The following FKTN variants were observed in gnomAD, a reference collection of about 807,000 sequenced individuals.
The protein encoded by FKTN is fukutin, also known as ribitol-5-phosphate transferase FKTN.
A neutral mutation model predicts 58.6 loss-of-function variants in FKTN; 47 were observed. The observed-to-expected ratio is 0.80, with a 90% CI of 0.63 to 1.02. The LOEUF (loss-of-function observed/expected upper bound fraction) is 1.02, where lower values mean the gene tolerates loss of function less well. Ranked by LOEUF, FKTN falls within the 50% of genes least tolerant of loss-of-function variation. The probability of loss-of-function intolerance (pLI) is 0.00; values close to 1 mark genes in which losing one functional copy is unlikely to be tolerated. For missense variants in FKTN, 516 were observed against 537.3 expected (o/e 0.96, Z 0.39); for synonymous variants, 178 against 191.9 (o/e 0.93, Z 0.60).
At chr9:105,568,033 A>C (rs1247040181) in intron 1 of FKTN, among the ~76,000 whole-genome samples, 6 of 152,194 alleles carry the variant, frequency 3.9e-5, no homozygotes, top group East Asian at 3.8e-4. Context: ...TAAAAACAAG[A>C]AATGGGGAAA....
chr9:105,592,789 C>T (rs1322405892), intron 3 of FKTN, among the ~76,000 whole-genome samples: 1 of 152,198 alleles, frequency 6.6e-6, no homozygotes, highest in African/African-American at 2.4e-5. Context: ...CCTCCCAATA[C>T]ATTCCTGATT....
At chr9:105,602,009 T>G (rs1380437451) in intron 5 of FKTN, among the ~76,000 whole-genome samples, 1 of 152,216 alleles carries the variant, frequency 6.6e-6, no homozygotes, top group African/African-American at 2.4e-5. Flanking sequence ...GTAATTCAGA[T>G]GCTTGTATTT....
intron 3 of FKTN, among the ~76,000 whole-genome samples, chr9:105,594,133 G>T (rs1826299628): frequency 6.6e-6 from 1 of 152,140 alleles, no homozygotes; most frequent in Non-Finnish European, 1.5e-5. Flanking sequence ...AGTCAAGGGG[G>T]GATGGGATTT....
chr9:105,603,935 T>G (rs1828372589), intron 5 of FKTN: 2 of 411,836 alleles, frequency 4.9e-6, no homozygotes, highest in Non-Finnish European at 9.1e-6. Context: ...CCCAAAGCGC[T>G]GGGATTACAG....
intron 5 of FKTN, 94 bp downstream of exon 5, chr9:105,601,442 T>C: frequency 5.8e-6 from 5 of 857,642 alleles, no homozygotes; most frequent in Non-Finnish European, 7.6e-6. Context: ...TAAAAATTTT[T>C]CCTGAAACAC....
At chr9:105,614,610 C>A (rs1830482635) in intron 7 of FKTN, among the ~76,000 whole-genome samples, 1 of 152,054 alleles carries the variant, frequency 6.6e-6, no homozygotes, top group Admixed American at 6.5e-5. Flanking sequence ...TTATTAAATT[C>A]TTTTTGTTTC....
At position 105,563,645 on chromosome 9, in the gene FKTN, A is replaced by C. The variant is rs1394084988; in HGVS notation, c.-181+5480A>C. Among the ~76,000 whole-genome samples the C allele has an allele frequency of 2.0e-5, 3 of 151,640 alleles. No individual in the cohort carries two copies. The East Asian group carries it at 5.8e-4, about 29-fold the overall frequency. The stretch of plus-strand genomic sequence containing the variant: ...TGCTGAGGCTTGAGTAGATAAACAG[A>C]GGGGCCGGGAAGCTCGAACTGGGTG... On this transcript the variant is annotated intron_variant, in intron 1 of 10. Coordinates refer to ENST00000357998, the MANE Select transcript of FKTN (RefSeq NM_001079802.2).
intron 10 of FKTN, among the ~76,000 whole-genome samples, chr9:105,630,043 G>C (rs1013245796): frequency 2.0e-5 from 3 of 152,092 alleles, no homozygotes; most frequent in Non-Finnish European, 4.4e-5. Flanking sequence ...ACACACTGGG[G>C]CCTGTCGTGG....
chr9:105,577,072 TTTGTCAGATGAGTAGG>T (rs2132065705), intron 3 of FKTN, among the ~76,000 whole-genome samples: 1 of 132,652 alleles, frequency 7.5e-6, no homozygotes, highest in Non-Finnish European at 1.6e-5. Context: ...ATATTAGCCC[TTTGTCAGATGAGTAGG>T]TTGCAAAAAT....
At chr9:105,623,770 A>G (rs1212521394) in intron 10 of FKTN, among the ~76,000 whole-genome samples, 1 of 152,174 alleles carries the variant, frequency 6.6e-6, no homozygotes. Context: ...ACCATGAGAC[A>G]TGTTAAAGTA....
At chr9:105,565,416 A>G (rs529330307) in intron 1 of FKTN, among the ~76,000 whole-genome samples, 13 of 152,266 alleles carry the variant, frequency 8.5e-5, no homozygotes, top group Admixed American at 2.6e-4. Flanking sequence ...CTCACATGCA[A>G]AGACACACAT....
At chr9:105,570,778 G>A (rs1251588612) in intron 1 of FKTN, among the ~76,000 whole-genome samples, 1 of 152,092 alleles carries the variant, frequency 6.6e-6, no homozygotes, top group African/African-American at 2.4e-5. Flanking sequence ...GGAGGTGGAG[G>A]GAGCACTTCT....
At chr9:105,618,152 T>C (rs1336074417) in intron 9 of FKTN, 60 bp downstream of exon 9, 2 of 1,355,674 alleles carry the variant, frequency 1.5e-6, no homozygotes, top group Non-Finnish European at 2.1e-6. Context: ...AAAGTTTACA[T>C]TAAGCAACTC....
intron 6 of FKTN, among the ~76,000 whole-genome samples, chr9:105,605,491 G>C (rs1212766072): frequency 6.6e-6 from 1 of 152,060 alleles, no homozygotes; most frequent in Non-Finnish European, 1.5e-5. Context: ...TATAACCACT[G>C]TTGATAACTA....
intron 5 of FKTN, among the ~76,000 whole-genome samples, chr9:105,603,338 G>T (rs1828239491): frequency 6.6e-6 from 1 of 152,112 alleles, no homozygotes; most frequent in African/African-American, 2.4e-5. Flanking sequence ...GAAAGAAAAG[G>T]GAAGAAGGGA....
chr9:105,609,018 A>T (rs1393422448), intron 7 of FKTN, among the ~76,000 whole-genome samples: 2 of 152,226 alleles, frequency 1.3e-5, no homozygotes, highest in African/African-American at 4.8e-5. Context: ...AGCAATTATC[A>T]CAGTGAATTA....
In FKTN at chr9:105,596,501, A is replaced by G. The variant is rs1588052461; in HGVS notation, c.106-97A>G. 4.5e-5 allele frequency: 35 copies of G among 783,952 alleles called. No individual in the cohort carries two copies. In the South Asian group the frequency reaches 4.9e-4, roughly 11 times the overall value. The allele number at this position is 783,952 out of a possible 1,614,324, so 48.6% of individuals were successfully genotyped here. A position where few individuals can be genotyped will look rare whatever the true frequency, so the allele number is the denominator to read the frequency against. On this transcript the variant is annotated intron_variant, in intron 3 of 10. Coordinates refer to ENST00000357998, the MANE Select transcript of FKTN (RefSeq NM_001079802.2). ...TATTTGATAATGCTTTTTAATGATT[A>G]TAAGCTAATTATATTTTGAATCTCA...
At chr9:105,559,409 C>T (rs1272553051) in intron 1 of FKTN, among the ~76,000 whole-genome samples, 2 of 152,128 alleles carry the variant, frequency 1.3e-5, no homozygotes, top group African/African-American at 4.8e-5. Flanking sequence ...GGGCTGGACG[C>T]GGTGGCTCAC....
intron 1 of FKTN, among the ~76,000 whole-genome samples, chr9:105,558,712 AAATC>A (rs1419831734): frequency 3.9e-5 from 6 of 152,188 alleles, no homozygotes; most frequent in African/African-American, 1.4e-4. Context: ...CAGTCGGTAA[AAATC>A]AAGCTGTGAA....
Sources: allele counts gnomAD v4.1 joint callset (sites outside exome capture counted in the v4.1 genomes callset), GRCh38; gene constraint gnomAD v4.1.1; transcripts MANE v1.5; gene names NCBI Gene and HGNC (gene_info 2026-07-23, HGNC 2026-07-21).